Variants in NTM observed in about 807,000 individuals in gnomAD.
NTM encodes the protein IgLON family member 2.
NTM carries 13 observed loss-of-function variants against 42.1 expected under a neutral mutation model. The ratio of observed to expected loss-of-function variants is 0.31; its 90% CI spans 0.20 to 0.49. NTM has a LOEUF of 0.49. NTM is among the 20% of genes least tolerant of loss of function. NTM has a pLI of 0.99. For missense variants in NTM, 373 were observed against 452.8 expected, an observed-to-expected ratio of 0.82 and a Z score of 1.60; for synonymous variants, 187 against 179.2, an observed-to-expected ratio of 1.04 and a Z score of -0.35.
At chr11:131,455,255 A>T (rs1028594437) in intron 1 of NTM, among the ~76,000 whole-genome samples, 15 of 152,204 alleles carry the variant, frequency 9.9e-5, no homozygotes, top group Non-Finnish European at 8.8e-5. Context: ...GCTTGGCCAC[A>T]GGTTTAGATG....
intron 1 of NTM, among the ~76,000 whole-genome samples, chr11:131,754,846 C>T (rs2083110995): frequency 2.0e-5 from 3 of 152,122 alleles, no homozygotes; most frequent in Non-Finnish European, 2.9e-5. Flanking sequence ...AAATATGACT[C>T]AGCAGTAAAA....
intron 2 of NTM, among the ~76,000 whole-genome samples, chr11:131,960,302 G>A (rs1257823603): frequency 1.3e-5 from 2 of 152,188 alleles, no homozygotes; most frequent in Admixed American, 1.3e-4. Flanking sequence ...TGCCTCCAGT[G>A]TCATCTCCTA....
chr11:132,322,304 C>T (rs2136295907), intron 7 of NTM, among the ~76,000 whole-genome samples: 1 of 151,692 alleles, frequency 6.6e-6, no homozygotes, highest in East Asian at 1.9e-4. Context: ...CAGAGACACA[C>T]ATAGGCTCAA....
chr11:131,620,854 T>C (rs920073232), intron 1 of NTM, among the ~76,000 whole-genome samples: 2 of 152,216 alleles, frequency 1.3e-5, no homozygotes, highest in Admixed American at 6.5e-5. Flanking sequence ...GCAGCAGTTT[T>C]GTCTGTCGGT....
At chr11:131,403,485 T>C (rs1453939427) in intron 1 of NTM, among the ~76,000 whole-genome samples, 1 of 152,142 alleles carries the variant, frequency 6.6e-6, no homozygotes, top group East Asian at 1.9e-4. Flanking sequence ...TGAACCTTCA[T>C]AACTAGATAT....
chr11:131,799,307 T>C (rs994680629), intron 1 of NTM, among the ~76,000 whole-genome samples: 2 of 152,226 alleles, frequency 1.3e-5, no homozygotes, highest in East Asian at 1.9e-4. Context: ...AGTGGAATCC[T>C]CTGCACAGAA....
intron 2 of NTM, among the ~76,000 whole-genome samples, chr11:132,059,520 A>T (rs544689408): frequency 2.5e-4 from 38 of 152,346 alleles, no homozygotes; most frequent in African/African-American, 7.5e-4. Flanking sequence ...TAAACCCGTC[A>T]AGTGACTTTC....
chr11:131,521,330 A>G (rs1191565038), intron 1 of NTM, among the ~76,000 whole-genome samples: 1 of 113,976 alleles, frequency 8.8e-6, no homozygotes, highest in Non-Finnish European at 1.9e-5. Context: ...TAAATAAATA[A>G]ATAAATAAAT....
chr11:131,723,786 G>A (rs573213252), intron 1 of NTM, among the ~76,000 whole-genome samples: 2 of 152,024 alleles, frequency 1.3e-5, no homozygotes, highest in Non-Finnish European at 2.9e-5. Context: ...AAGTGTGCAT[G>A]TGCGTGTGCA....
intron 1 of NTM, among the ~76,000 whole-genome samples, chr11:131,746,446 A>G (rs1426107024): frequency 1.3e-5 from 2 of 152,128 alleles, no homozygotes; most frequent in Admixed American, 1.3e-4. Context: ...CAGAGAGGAA[A>G]GCAGGAAGCG....
At chr11:132,089,321 C>A (rs2060115944) in intron 2 of NTM, among the ~76,000 whole-genome samples, 1 of 152,124 alleles carries the variant, frequency 6.6e-6, no homozygotes, top group South Asian at 2.1e-4. Context: ...ACTGGCAAAG[C>A]CTTGTTTCAA....
chr11:132,308,886 G>A lies in NTM; in HGVS notation c.661+1063G>A, dbSNP rs953709251. ...AGAAACAGAAGCAAAGAAAAAATACGCTTAGGAAAATGAGTGAAAGCTAGG... is the reference window on the plus strand; with the variant it reads ...AGAAACAGAAGCAAAGAAAAAATACACTTAGGAAAATGAGTGAAAGCTAGG... On this transcript the variant is annotated intron_variant, in intron 5 of 8. Transcript: ENST00000683400. Among the ~76,000 whole-genome samples, 7 of 152,234 alleles carry A rather than the reference G, an allele frequency of 4.6e-5. No homozygotes were observed. In the South Asian group the frequency reaches 6.2e-4, roughly 14 times the overall value.
intron 2 of NTM, among the ~76,000 whole-genome samples, chr11:132,098,387 G>A (rs1048409475): frequency 5.3e-5 from 8 of 152,154 alleles, no homozygotes; most frequent in African/African-American, 1.9e-4. Flanking sequence ...AGAGCCTTTG[G>A]CGTTGCGGCC....
At chr11:131,460,438 T>C (rs1418522496) in intron 1 of NTM, among the ~76,000 whole-genome samples, 2 of 152,192 alleles carry the variant, frequency 1.3e-5, no homozygotes, top group Non-Finnish European at 2.9e-5. Flanking sequence ...ATGACAACAA[T>C]AATGATGATG....
chr11:131,780,097 G>C (rs2087786971), intron 1 of NTM, among the ~76,000 whole-genome samples: 1 of 152,158 alleles, frequency 6.6e-6, no homozygotes, highest in Non-Finnish European at 1.5e-5. Flanking sequence ...TTCAGAGAAA[G>C]GGAAGATAAT....
At chr11:131,532,704 G>C (rs11222689) in intron 1 of NTM, among the ~76,000 whole-genome samples, 1 of 152,206 alleles carries the variant, frequency 6.6e-6, no homozygotes, top group African/African-American at 2.4e-5. Flanking sequence ...AAGGGTTCTG[G>C]TTTCTCGACA....
chr11:131,934,344 T>C (rs2058982138), intron 2 of NTM, among the ~76,000 whole-genome samples: 1 of 152,098 alleles, frequency 6.6e-6, no homozygotes, highest in African/African-American at 2.4e-5. Flanking sequence ...AGCTGAGAAG[T>C]TTACTTAGCT....
chr11:132,157,882 C>T (rs2073531191), intron 3 of NTM, among the ~76,000 whole-genome samples: 1 of 152,118 alleles, frequency 6.6e-6, no homozygotes. Context: ...CTTTTCCCGT[C>T]CTCTTCCTCA....
intron 1 of NTM, among the ~76,000 whole-genome samples, chr11:131,482,087 G>T (rs142070437): frequency 1.3e-5 from 2 of 152,206 alleles, no homozygotes; most frequent in South Asian, 2.1e-4. Context: ...TGGGCCAAGG[G>T]ACCCAAGGTT....
Sources: allele counts gnomAD v4.1 joint callset (sites outside exome capture counted in the v4.1 genomes callset), GRCh38; gene constraint gnomAD v4.1.1; transcripts MANE v1.5; gene names NCBI Gene and HGNC (gene_info 2026-07-23, HGNC 2026-07-21).